The following KCNIP4 variants were observed in gnomAD, a reference collection of about 807,000 sequenced individuals.
KCNIP4 encodes Kv channel-interacting protein 4.
A neutral mutation model predicts 34.0 loss-of-function variants in KCNIP4; 12 were observed. The observed-to-expected ratio is 0.35, with a 90% CI of 0.23 to 0.57. The LOEUF is 0.57. Ranked by LOEUF, KCNIP4 falls within the 20% of genes least tolerant of loss-of-function variation. The pLI is 0.83. For synonymous variants in KCNIP4, 124 were observed against 102.2 expected (o/e 1.21, Z -1.29); for missense variants, 238 against 311.7 (o/e 0.76, Z 1.78).
At chr4:21,050,941 GC>G (rs111988589) in intron 1 of KCNIP4, among the ~76,000 whole-genome samples, 4,195 of 152,166 alleles carry the variant, frequency 0.028, 165 homozygotes, top group African/African-American at 0.095. Context: ...TCAATTTATT[GC>G]CCCAAGACCT....
intron 1 of KCNIP4, among the ~76,000 whole-genome samples, chr4:21,088,710 G>A (rs965022892): frequency 3.3e-5 from 5 of 151,920 alleles, no homozygotes; most frequent in Non-Finnish European, 7.4e-5. Context: ...CATCTTTTGG[G>A]TCTCAGAATC....
At chr4:21,072,339 C>T (rs1745027373) in intron 1 of KCNIP4, among the ~76,000 whole-genome samples, 2 of 152,310 alleles carry the variant, frequency 1.3e-5, no homozygotes, top group African/African-American at 4.8e-5. Context: ...GCCATTCTAA[C>T]TGGTGTGAGA....
At chr4:21,340,437 G>A (rs1303578966) in intron 1 of KCNIP4, among the ~76,000 whole-genome samples, 6 of 152,080 alleles carry the variant, frequency 3.9e-5, no homozygotes, top group Admixed American at 1.3e-4. Flanking sequence ...TTTATTGCAC[G>A]TAAAAGAACA....
intron 1 of KCNIP4, among the ~76,000 whole-genome samples, chr4:21,906,075 A>G (rs1220829389): frequency 6.6e-6 from 1 of 152,186 alleles, no homozygotes; most frequent in East Asian, 1.9e-4. Context: ...CATTTGTTTC[A>G]TTCATCTATG....
intron 1 of KCNIP4, among the ~76,000 whole-genome samples, chr4:21,582,900 G>A (rs966834575): frequency 2.6e-5 from 4 of 151,864 alleles, no homozygotes; most frequent in African/African-American, 9.7e-5. Context: ...GATCAAATAT[G>A]TTAAAACTAG....
intron 1 of KCNIP4, among the ~76,000 whole-genome samples, chr4:21,298,837 C>T (rs757496092): frequency 3.4e-4 from 51 of 152,204 alleles, no homozygotes; most frequent in African/African-American, 1.2e-3. Flanking sequence ...GCATAGAATG[C>T]GTCCAAGAAA....
At chr4:21,299,322 C>G (rs1764024293) in intron 1 of KCNIP4, among the ~76,000 whole-genome samples, 1 of 151,944 alleles carries the variant, frequency 6.6e-6, no homozygotes, top group Admixed American at 6.6e-5. Flanking sequence ...TGATTAGAAT[C>G]CAAGTTAAAT....
At chr4:21,463,216 G>A (rs548068028) in intron 1 of KCNIP4, among the ~76,000 whole-genome samples, 69 of 152,222 alleles carry the variant, frequency 4.5e-4, no homozygotes, top group Non-Finnish European at 9.1e-4. Context: ...ATTCTAACTG[G>A]AGTAAGGTAA....
chr4:21,734,124 G>A (rs1715813146), intron 1 of KCNIP4, among the ~76,000 whole-genome samples: 1 of 152,170 alleles, frequency 6.6e-6, no homozygotes, highest in East Asian at 1.9e-4. Context: ...TTACCATGGG[G>A]AGGCTCATTT....
chr4:20,729,471 CTAATTTTTAAATGTTTAA>C lies in KCNIP4; in HGVS notation c.*593_*610del, dbSNP rs139112400. 0.12 allele frequency: 17,389 copies of C among 151,182 alleles called. 1,152 individuals carry two copies. The highest frequency in any genetic ancestry group is 0.19 in the African/African-American group (7,673 of 41,074). 9.4% of individuals were successfully genotyped at this position (151,182 alleles called of 1,614,324 possible). A position where few individuals can be genotyped will look rare whatever the true frequency, so the allele number is the denominator to read the frequency against. ...GCATATGCTGATATCTGATAATAAACTAATTTTTAAATGTTTAATAATTTTTAAATGTTTAAAAATGCC... is the reference window on the plus strand; with the variant it reads ...GCATATGCTGATATCTGATAATAAACTAATTTTTAAATGTTTAAAAATGCC... On this transcript the variant is annotated 3_prime_UTR_variant, in exon 9 of 9. Transcript: ENST00000382152.
chr4:20,756,452 C>G (rs1754458912), intron 4 of KCNIP4, among the ~76,000 whole-genome samples: 1 of 152,110 alleles, frequency 6.6e-6, no homozygotes, highest in African/African-American at 2.4e-5. Flanking sequence ...CCAGTCTTCC[C>G]TGTGTATAAA....
At chr4:21,115,633 C>G (rs1749613379) in intron 1 of KCNIP4, among the ~76,000 whole-genome samples, 1 of 152,034 alleles carries the variant, frequency 6.6e-6, no homozygotes, top group Non-Finnish European at 1.5e-5. Context: ...GCCTAAATAC[C>G]TAATTCAAAA....
chr4:21,885,305 C>A (rs776798844), intron 1 of KCNIP4, among the ~76,000 whole-genome samples: 1 of 152,134 alleles, frequency 6.6e-6, no homozygotes, highest in Non-Finnish European at 1.5e-5. Context: ...GAAGCCACTA[C>A]ATTCTGTAGA....
intron 1 of KCNIP4, among the ~76,000 whole-genome samples, chr4:21,751,692 T>C (rs1717161374): frequency 6.6e-6 from 1 of 150,838 alleles, no homozygotes; most frequent in African/African-American, 2.4e-5. Context: ...TGCCAGGTAA[T>C]GTGTCCAAGT....
chr4:20,766,912 TTAATC>T (rs1050534323), intron 3 of KCNIP4: 3 of 150,680 alleles, frequency 2.0e-5, no homozygotes, highest in African/African-American at 7.3e-5. Flanking sequence ...GGCAAACTGT[TTAATC>T]TAAGTCTCAT....
At chr4:21,080,547 G>A (rs1464005677) in intron 1 of KCNIP4, among the ~76,000 whole-genome samples, 1 of 151,620 alleles carries the variant, frequency 6.6e-6, no homozygotes, top group Admixed American at 6.6e-5. Flanking sequence ...CAGTTCAAAT[G>A]CCAATTCTTC....
chr4:21,492,032 A>C (rs961617648), intron 1 of KCNIP4, among the ~76,000 whole-genome samples: 3 of 152,188 alleles, frequency 2.0e-5, no homozygotes, highest in Admixed American at 1.3e-4. Flanking sequence ...TAGATTCTCT[A>C]CTGTATCCAA....
At chr4:21,533,763 C>T (rs1244865068) in intron 1 of KCNIP4, among the ~76,000 whole-genome samples, 3 of 151,984 alleles carry the variant, frequency 2.0e-5, no homozygotes, top group Admixed American at 6.6e-5. Context: ...TGAGGCTAGA[C>T]GATGTAAAAG....
chr4:21,048,154 T>A (rs1577595027), intron 1 of KCNIP4, among the ~76,000 whole-genome samples: 1 of 152,248 alleles, frequency 6.6e-6, no homozygotes, highest in East Asian at 1.9e-4. Context: ...GGTTAAGTAA[T>A]GCTACATTAT....
Sources: gnomAD v4.1 joint callset for allele counts (sites outside exome capture counted in the v4.1 genomes callset) on GRCh38, gnomAD v4.1.1 for gene constraint, MANE v1.5 for transcripts, NCBI Gene and HGNC (gene_info 2026-07-23, HGNC 2026-07-21) for gene names.